Variants in COL5A1 observed in about 807,000 individuals in gnomAD.
COL5A1 encodes collagen type V alpha 1 chain, also known as collagen alpha-1(V) chain.
A neutral mutation model predicts 263.7 loss-of-function variants in COL5A1; 16 were observed. The ratio of observed to expected loss-of-function variants is 0.06; its 90% CI spans 0.04 to 0.09. The LOEUF is 0.09. Ranked by LOEUF, COL5A1 falls within the 10% of genes least tolerant of loss-of-function variation. The pLI is 1.00. For synonymous variants in COL5A1, 1,012 were observed against 1,004.5 expected (o/e 1.01, Z -0.14); for missense variants, 2,036 against 2,540.5 (o/e 0.80, Z 4.27).
intron 58 of COL5A1, among the ~76,000 whole-genome samples, chr9:134,820,618 G>A (rs777440178): frequency 3.3e-5 from 5 of 152,302 alleles, no homozygotes; most frequent in Middle Eastern, 6.8e-3. Context: ...CAGAGTGGCT[G>A]TTCTGGCTCC....
At chr9:134,645,288 T>A (rs1371509260) in intron 1 of COL5A1, among the ~76,000 whole-genome samples, 1 of 152,232 alleles carries the variant, frequency 6.6e-6, no homozygotes, top group Non-Finnish European at 1.5e-5. Flanking sequence ...ACACAGCTGG[T>A]GCTGCCCGTC....
chr9:134,826,654 C>CTGGTGTGTGGGTGTGTGTCTGGG (rs778708306), intron 63 of COL5A1, among the ~76,000 whole-genome samples: 1,977 of 146,842 alleles, frequency 0.013, 21 homozygotes, highest in Non-Finnish European at 0.018. Context: ...GTGCATGTGG[C>CTGGTGTGTGGGTGTGTGTCTGGG]TGGTGGATGG....
chr9:134,720,586 C>A (rs996664346), intron 4 of COL5A1, among the ~76,000 whole-genome samples: 5 of 152,170 alleles, frequency 3.3e-5, no homozygotes, highest in Admixed American at 3.3e-4. Flanking sequence ...TGCCGGAAGC[C>A]CTGGGTTGAG....
At chr9:134,815,879 C>T (rs1838726012) in intron 51 of COL5A1, 56 bp from the exon 52 acceptor site, 1 of 1,592,748 alleles carries the variant, frequency 6.3e-7, no homozygotes, top group African/African-American at 1.3e-5. Context: ...GGAACTGGTG[C>T]ATGAACTCAG....
At chr9:134,687,938 G>A (rs1479215086) in intron 1 of COL5A1, among the ~76,000 whole-genome samples, 3 of 152,158 alleles carry the variant, frequency 2.0e-5, no homozygotes, top group Non-Finnish European at 2.9e-5. Context: ...TCAAACCCAT[G>A]TCCACCTGTC....
At chr9:134,645,992 C>T (rs976523557) in intron 1 of COL5A1, among the ~76,000 whole-genome samples, 14 of 151,606 alleles carry the variant, frequency 9.2e-5, no homozygotes, top group Non-Finnish European at 2.1e-4. Flanking sequence ...CCCTCCCTCT[C>T]TCCCATCCCC....
At chr9:134,710,472 G>GAC in intron 4 of COL5A1, among the ~76,000 whole-genome samples, 1 of 151,632 alleles carries the variant, frequency 6.6e-6, no homozygotes, top group Non-Finnish European at 1.5e-5. Flanking sequence ...TGGGGGAGGG[G>GAC]CCCCGTTTAG....
At chr9:134,791,167 C>T (rs1297416293) in intron 32 of COL5A1, among the ~76,000 whole-genome samples, 3 of 152,362 alleles carry the variant, frequency 2.0e-5, no homozygotes, top group South Asian at 2.1e-4. Context: ...GCCCCAGTCA[C>T]ACATAGGAGC....
Position 134,834,867 on chromosome 9 carries a change from C to T in COL5A1, c.5137-104C>T, listed in dbSNP as rs77932602. 6.6e-3 allele frequency: 5,574 copies of T among 843,184 alleles called. 209 individuals are homozygous for T. In the African/African-American group the frequency reaches 0.078, roughly 12 times the overall value. The allele number at this position is 843,184 out of a possible 1,614,324, so 52.2% of individuals were successfully genotyped here. A position where few individuals can be genotyped will look rare whatever the true frequency, so the allele number is the denominator to read the frequency against. On this transcript the variant is annotated intron_variant, in intron 64 of 65. Coordinates refer to ENST00000371817, the MANE Select transcript of COL5A1 (RefSeq NM_000093.5). ...ACAGTGCGTTTCCAGGTAGTTCCCC[C>T]GAGAAGACCACAGTGTGAGTGAAGC...
In COL5A1 at chr9:134,809,186, G is replaced by T; in HGVS notation, c.3370G>T (p.Glu1124Ter). The change falls in exon 43 of 66, where the codon GAG becomes TAG. Residue 1124 changes from glutamate (E) to a stop codon, truncating the protein, a stop_gained. Coordinates refer to ENST00000371817, the MANE Select transcript of COL5A1 (RefSeq NM_000093.5). LOFTEE classifies it high-confidence loss of function. The part of the protein sequence containing the change: ...GPAGEKGAPG[E>*]KGPQGPAGRD... Reference sequence around the variant, plus strand: ...TGAGATCTTCTGTATTCTCTAGGGCGAGAAAGGCCCACAAGGCCCAGCTGG... The same window carrying T: ...TGAGATCTTCTGTATTCTCTAGGGCTAGAAAGGCCCACAAGGCCCAGCTGG... 6.3e-7 allele frequency: 1 copy of T among 1,579,780 alleles called. No individual in the cohort carries two copies. The highest frequency in any genetic ancestry group is 1.2e-5 in the South Asian group (1 of 86,476).
At chr9:134,832,526 GT>G (rs763236623) in intron 64 of COL5A1, among the ~76,000 whole-genome samples, 12 of 152,232 alleles carry the variant, frequency 7.9e-5, no homozygotes, top group South Asian at 2.1e-4. Flanking sequence ...GGGCCTCACT[GT>G]GGGACCCTGG....
chr9:134,771,212 C>A (rs1836855999), intron 25 of COL5A1, among the ~76,000 whole-genome samples: 1 of 152,264 alleles, frequency 6.6e-6, no homozygotes, highest in South Asian at 2.1e-4. Context: ...GCTCTCGGCC[C>A]CCCTGCAGAT....
chr9:134,711,613 C>G (rs1000900756), intron 4 of COL5A1, among the ~76,000 whole-genome samples: 4 of 152,084 alleles, frequency 2.6e-5, no homozygotes, highest in African/African-American at 9.7e-5. Flanking sequence ...GAGGTAAAGC[C>G]ACCTGCCCAC....
chr9:134,689,023 C>T (rs1833176700), intron 1 of COL5A1, among the ~76,000 whole-genome samples: 2 of 152,164 alleles, frequency 1.3e-5, no homozygotes, highest in African/African-American at 4.8e-5. Flanking sequence ...CTCCTTGTGG[C>T]CTGCGCACCA....
chr9:134,753,765 T>TC, intron 14 of COL5A1, 85 bp from the exon 15 acceptor site: 1 of 485,446 alleles, frequency 2.1e-6, no homozygotes, highest in Non-Finnish European at 4.1e-6. Context: ...CCCCTCCCCC[T>TC]GCCCCTCCCC....
At chr9:134,822,196 G>A (rs1368662846) in intron 59 of COL5A1, 46 bp downstream of exon 59, 3 of 1,398,200 alleles carry the variant, frequency 2.1e-6, no homozygotes, top group South Asian at 2.3e-5. Context: ...GGGCAGGGAG[G>A]GTGGGGATAA....
intron 1 of COL5A1, among the ~76,000 whole-genome samples, chr9:134,666,570 T>G (rs1832365131): frequency 6.6e-6 from 1 of 152,204 alleles, no homozygotes; most frequent in South Asian, 2.1e-4. Context: ...CGTCTTCCTC[T>G]TCTCTCTCCT....
intron 1 of COL5A1, among the ~76,000 whole-genome samples, chr9:134,688,051 A>G (rs944077635): frequency 6.6e-6 from 1 of 152,170 alleles, no homozygotes; most frequent in Non-Finnish European, 1.5e-5. Flanking sequence ...GCTCTCCCCA[A>G]CCTTTTCTTT....
At chr9:134,704,220 G>C (rs1291679427) in intron 4 of COL5A1, among the ~76,000 whole-genome samples, 1 of 152,046 alleles carries the variant, frequency 6.6e-6, no homozygotes, top group Non-Finnish European at 1.5e-5. Flanking sequence ...CCAGGGGTGA[G>C]ATCTTCGGTG....
Sources: allele counts gnomAD v4.1 joint callset (sites outside exome capture counted in the v4.1 genomes callset), GRCh38; gene constraint gnomAD v4.1.1; transcripts MANE v1.5; gene names NCBI Gene and HGNC (gene_info 2026-07-23, HGNC 2026-07-21).